CBFA2T3: variants seen among roughly 807,000 people sequenced by gnomAD.
CBFA2T3 encodes transcriptional corepressor CBFA2T3.
CBFA2T3 carries 31 observed loss-of-function variants against 58.6 expected under a neutral mutation model. The observed-to-expected ratio is 0.53, with a 90% CI of 0.40 to 0.71. CBFA2T3 has a LOEUF of 0.71. CBFA2T3 is among the 30% of genes least tolerant of loss of function. CBFA2T3 has a pLI of 0.00. For synonymous variants in CBFA2T3, 531 were observed against 421.9 expected (o/e 1.26, Z -3.17); for missense variants, 1,076 against 963.1 (o/e 1.12, Z -1.55).
rs974796895 is a variant in CBFA2T3 at position 88,953,361 on chromosome 16, C to A, written c.151+23296G>T. 6.6e-6 allele frequency among the ~76,000 whole-genome samples: 1 copy of A among 152,062 alleles called. No individual in the cohort carries two copies. Among genetic ancestry groups the A allele is most frequent in the Non-Finnish European group, 1.5e-5 (1 of 68,032 alleles). The stretch of plus-strand genomic sequence containing the variant: ...AAGGAAGGAGTGAGCGTGGGGAGAG[C>A]CAGCCAGGCTCCCCATGTCCACCCA... On this transcript the variant is annotated intron_variant, in intron 1 of 11. Transcript: ENST00000268679. The surrounding 1 kb of genome is among the most constrained non-coding windows in gnomAD (Gnocchi z 4.9).
In CBFA2T3 at chr16:88,876,252, T is replaced by C. The variant is rs1469535354; in HGVS notation, c.*724A>G. The C allele has an allele frequency of 4.4e-6, 1 of 229,252 alleles. No homozygotes were observed. The highest frequency in any genetic ancestry group is 8.7e-6 in the Non-Finnish European group (1 of 115,470). 14.2% of individuals were successfully genotyped at this position (229,252 alleles called of 1,614,324 possible). On this transcript the variant is annotated 3_prime_UTR_variant, in exon 12 of 12. Coordinates refer to ENST00000268679, the MANE Select transcript of CBFA2T3 (RefSeq NM_005187.6). ...TCCTTTGCTTTTTTAAAAAAACTTT[T>C]TGGATTTTTACTTAAAGCCAAAGAG...
chr16:88,971,987 T>C (rs1377747911), intron 1 of CBFA2T3, among the ~76,000 whole-genome samples: 2 of 152,172 alleles, frequency 1.3e-5, no homozygotes, highest in African/African-American at 2.4e-5. Context: ...AAGAGTGGCC[T>C]CCTAGAGCCG....
At chr16:88,914,218 G>C (rs1292439745) in intron 1 of CBFA2T3, among the ~76,000 whole-genome samples, 1 of 152,218 alleles carries the variant, frequency 6.6e-6, no homozygotes, top group African/African-American at 2.4e-5. Flanking sequence ...AGAAAATTCA[G>C]AATCAGGCAG....
chr16:88,901,451 A>T, intron 2 of CBFA2T3, 53 bp downstream of exon 2: 2 of 973,374 alleles, frequency 2.1e-6, no homozygotes, highest in Non-Finnish European at 3.0e-6. Flanking sequence ...CAAACAACAC[A>T]AGGGCCTCCC....
chr16:88,919,600 C>G (rs891137713), intron 1 of CBFA2T3, among the ~76,000 whole-genome samples: 7 of 152,206 alleles, frequency 4.6e-5, no homozygotes, highest in African/African-American at 1.7e-4. Context: ...CTCGAATTCT[C>G]CAAACTGCAC....
intron 1 of CBFA2T3, among the ~76,000 whole-genome samples, chr16:88,913,625 C>T (rs1481103593): frequency 1.3e-5 from 2 of 152,178 alleles, no homozygotes; most frequent in Non-Finnish European, 2.9e-5. Context: ...TCCGCTACTC[C>T]ACACCTCATT....
chr16:88,960,140 G>C (rs1415660425), intron 1 of CBFA2T3, among the ~76,000 whole-genome samples: 1 of 152,166 alleles, frequency 6.6e-6, no homozygotes, highest in Non-Finnish European at 1.5e-5. Context: ...ATAAGACAAA[G>C]TCCTTGATTC....
Position 88,973,604 on chromosome 16 carries a change from AACCCAGAACATTCCGG to A in CBFA2T3, c.151+3037_151+3052del, listed in dbSNP as rs1432878502. Among the ~76,000 whole-genome samples, 539 of 152,232 alleles carry A rather than the reference AACCCAGAACATTCCGG, an allele frequency of 3.5e-3. 4 individuals carry two copies. Among genetic ancestry groups the A allele is most frequent in the East Asian group, 0.018 (94 of 5,176 alleles). On this transcript the variant is annotated intron_variant, in intron 1 of 11. Coordinates refer to ENST00000268679, the MANE Select transcript of CBFA2T3 (RefSeq NM_005187.6). ...AATATTCCGGACCCAGAACATTCCAAACCCAGAACATTCCGGACCCAGAACATTCTGGACCCAGGAC... is the reference window on the plus strand; with the variant it reads ...AATATTCCGGACCCAGAACATTCCAAACCCAGAACATTCTGGACCCAGGAC...
intron 1 of CBFA2T3, among the ~76,000 whole-genome samples, chr16:88,942,477 G>A (rs1161907028): frequency 1.1e-4 from 16 of 152,130 alleles, no homozygotes; most frequent in Admixed American, 9.8e-4. Flanking sequence ...TGCGAAACAT[G>A]GCCCATTCCA....
At chr16:88,887,588 G>A (rs986548736) in intron 5 of CBFA2T3, among the ~76,000 whole-genome samples, 4 of 152,148 alleles carry the variant, frequency 2.6e-5, no homozygotes, top group Admixed American at 1.3e-4. Context: ...CAGCATCAGC[G>A]TAGGGGCCGG....
intron 1 of CBFA2T3, among the ~76,000 whole-genome samples, chr16:88,917,422 C>T (rs926374626): frequency 4.6e-5 from 7 of 152,182 alleles, no homozygotes; most frequent in Admixed American, 1.3e-4. Flanking sequence ...GCCCTGGGAA[C>T]GGGACCCTCC....
intron 1 of CBFA2T3, 100 bp downstream of exon 1, chr16:88,976,557 C>A (rs145263600): frequency 5.5e-6 from 5 of 909,184 alleles, no homozygotes; most frequent in Non-Finnish European, 8.3e-6. Flanking sequence ...GCACTGTCAA[C>A]TAAGCTGGGC....
At chr16:88,923,430 T>C (rs72815513) in intron 1 of CBFA2T3, among the ~76,000 whole-genome samples, 2,688 of 152,200 alleles carry the variant, frequency 0.018, 35 homozygotes, top group Non-Finnish European at 0.027. Context: ...TCAAGCTGAG[T>C]GGGGGCCTCT....
At chr16:88,955,023 T>C (rs369869001) in intron 1 of CBFA2T3, among the ~76,000 whole-genome samples, 353 of 13,376 alleles carry the variant, frequency 0.026, no homozygotes, top group Admixed American at 0.052. Flanking sequence ...GGCTCCTGAC[T>C]CCACCCAAGG....
chr16:88,882,842 C>A, intron 7 of CBFA2T3, 81 bp from the exon 8 acceptor site: 2 of 954,038 alleles, frequency 2.1e-6, no homozygotes, highest in East Asian at 5.2e-5. Flanking sequence ...CCCTCTGCTC[C>A]CAGGCCCCAC....
intron 1 of CBFA2T3, among the ~76,000 whole-genome samples, chr16:88,935,848 G>A (rs1013872598): frequency 2.6e-5 from 4 of 152,212 alleles, no homozygotes; most frequent in Non-Finnish European, 4.4e-5. Flanking sequence ...AGCCCGAAGG[G>A]GTAAATGCCT....
chr16:88,902,344 C>T (rs552622319), intron 1 of CBFA2T3: 1 of 152,408 alleles, frequency 6.6e-6, no homozygotes, highest in South Asian at 2.1e-4. Context: ...TGGCCGAGGC[C>T]TGGCTGCGCT....
chr16:88,876,616 G>A lies in CBFA2T3; in HGVS notation c.*360C>T, dbSNP rs528797409. The A allele has an allele frequency of 1.0e-5, 3 of 294,710 alleles. No individual in the cohort carries two copies. Among genetic ancestry groups the A allele is most frequent in the Admixed American group, 5.2e-5 (1 of 19,252 alleles). 18.3% of individuals were successfully genotyped at this position (294,710 alleles called of 1,614,324 possible). ...GAGAGAGAGGATAGAGAAGACAGAG[G>A]GGGAGAGACAGACAGAGAGGAAAAG... is the stretch of plus-strand genomic sequence containing the variant. On this transcript the variant is annotated 3_prime_UTR_variant, in exon 12 of 12. Transcript: ENST00000268679.
rs780205882 is a variant in CBFA2T3 at position 88,912,860 on chromosome 16, C to T, written c.152-11204G>A. Among the ~76,000 whole-genome samples, 13 of 152,362 alleles carry T rather than the reference C, an allele frequency of 8.5e-5. No individual in the cohort carries two copies. In the South Asian group the frequency reaches 2.7e-3, roughly 32 times the overall value. On this transcript the variant is annotated intron_variant, in intron 1 of 11. Coordinates refer to ENST00000268679, the MANE Select transcript of CBFA2T3 (RefSeq NM_005187.6). Reference sequence around the variant, plus strand: ...CGTGTGAGCCCAGCAGGCAGCTCCCCTCATCCATTAAGTGGGAGGAACACA... The same window carrying T: ...CGTGTGAGCCCAGCAGGCAGCTCCCTTCATCCATTAAGTGGGAGGAACACA...
Sources: gnomAD v4.1 joint callset for allele counts (sites outside exome capture counted in the v4.1 genomes callset) on GRCh38, gnomAD v4.1.1 for gene constraint, Gnocchi (gnomAD v3.1) non-coding constraint, MANE v1.5 for transcripts, NCBI Gene and HGNC (gene_info 2026-07-23, HGNC 2026-07-21) for gene names.